Variants in PRUNE2 observed in about 807,000 individuals in gnomAD.
The protein encoded by PRUNE2 is prune homolog 2 with BCH domain.
PRUNE2 carries 164 observed loss-of-function variants against 252.0 expected under a neutral mutation model. The observed-to-expected ratio is 0.65, with a 90% CI of 0.57 to 0.74. The LOEUF is 0.74. Ranked by LOEUF, PRUNE2 falls within the 30% of genes least tolerant of loss-of-function variation. PRUNE2 has a pLI of 0.00. For synonymous variants in PRUNE2, 1,292 were observed against 1,350.2 expected, an observed-to-expected ratio of 0.96 and a Z score of 0.94; for missense variants, 3,495 against 3,711.0, an observed-to-expected ratio of 0.94 and a Z score of 1.51.
At chr9:76,883,861 CT>C (rs984098179) in intron 1 of PRUNE2, among the ~76,000 whole-genome samples, 2 of 152,200 alleles carry the variant, frequency 1.3e-5, no homozygotes, top group African/African-American at 4.8e-5. Flanking sequence ...CTAGACTTGC[CT>C]TGTGACTTGC....
intron 1 of PRUNE2, among the ~76,000 whole-genome samples, chr9:76,896,163 C>T (rs1481435845): frequency 6.6e-6 from 1 of 152,202 alleles, no homozygotes; most frequent in Non-Finnish European, 1.5e-5. Flanking sequence ...CAGCCTCTGG[C>T]AGCCACCTCC....
intron 9 of PRUNE2, among the ~76,000 whole-genome samples, chr9:76,671,937 A>G (rs1178285104): frequency 6.6e-6 from 1 of 152,136 alleles, no homozygotes; most frequent in Non-Finnish European, 1.5e-5. Context: ...AGTAGCAGCC[A>G]CTGTAAAATC....
rs1484461942 is a variant in PRUNE2 at position 76,850,381 on chromosome 9, A to G, written c.344+82T>C. 1.2e-5 allele frequency: 13 copies of G among 1,129,066 alleles called. No homozygotes were observed. In the East Asian group the frequency reaches 1.9e-4, roughly 16 times the overall value. The allele number at this position is 1,129,066 out of a possible 1,614,324, so 69.9% of individuals were successfully genotyped here. On this transcript the variant is annotated intron_variant, in intron 3 of 18. Coordinates refer to ENST00000376718, the MANE Select transcript of PRUNE2 (RefSeq NM_015225.3). ...CTTTTAATACATCTGCCTAAACCACAAAAGTCCTGAGTAAAGTGACACTTT... is the reference window on the plus strand; with the variant it reads ...CTTTTAATACATCTGCCTAAACCACGAAAGTCCTGAGTAAAGTGACACTTT...
At chr9:76,684,773 A>T (rs183224544) in intron 9 of PRUNE2, among the ~76,000 whole-genome samples, 191 of 152,114 alleles carry the variant, frequency 1.3e-3, no homozygotes, top group African/African-American at 4.4e-3. Flanking sequence ...TATTTTTGAG[A>T]TGGAGTCTCG....
At chr9:76,728,389 T>A (rs1432889895) in intron 6 of PRUNE2, among the ~76,000 whole-genome samples, 1 of 151,528 alleles carries the variant, frequency 6.6e-6, no homozygotes, top group East Asian at 1.9e-4. Context: ...GCCCACCCCA[T>A]GAGATTTAAA....
chr9:76,795,691 A>G (rs1260958074), intron 6 of PRUNE2, among the ~76,000 whole-genome samples: 1 of 152,202 alleles, frequency 6.6e-6, no homozygotes, highest in Non-Finnish European at 1.5e-5. Context: ...TATTTTGTTC[A>G]CCGTAAAAAT....
intron 9 of PRUNE2, among the ~76,000 whole-genome samples, chr9:76,678,315 C>A (rs1295011230): frequency 8.5e-6 from 1 of 117,416 alleles, no homozygotes; most frequent in Non-Finnish European, 1.6e-5. Flanking sequence ...GGTGCCACTG[C>A]ACTCCAGCCT....
At chr9:76,664,921 T>C (rs11145002) in intron 9 of PRUNE2, among the ~76,000 whole-genome samples, 7,530 of 152,284 alleles carry the variant, frequency 0.049, 246 homozygotes, top group Non-Finnish European at 0.073. Flanking sequence ...TCACTCTTAC[T>C]TTCTTTTCTT....
intron 7 of PRUNE2, among the ~76,000 whole-genome samples, 198 bp downstream of exon 7, chr9:76,713,365 G>C (rs533676032): frequency 6.6e-6 from 1 of 152,314 alleles, no homozygotes; most frequent in East Asian, 1.9e-4. Flanking sequence ...CAGTCAAGAA[G>C]AGAAATGCTT....
intron 9 of PRUNE2, among the ~76,000 whole-genome samples, chr9:76,702,716 T>C (rs544557756): frequency 6.6e-6 from 1 of 152,358 alleles, no homozygotes; most frequent in African/African-American, 2.4e-5. Context: ...CTGTGGAGCC[T>C]GTCTCTTATC....
At chr9:76,795,550 G>T (rs80011477) in intron 6 of PRUNE2, among the ~76,000 whole-genome samples, 1 of 148,398 alleles carries the variant, frequency 6.7e-6, no homozygotes, top group Non-Finnish European at 1.5e-5. Flanking sequence ...ATAGCCCCTG[G>T]GGGGGAGCAT....
intron 9 of PRUNE2, among the ~76,000 whole-genome samples, chr9:76,694,288 T>C (rs983736348): frequency 6.6e-6 from 1 of 152,148 alleles, no homozygotes; most frequent in Non-Finnish European, 1.5e-5. Context: ...GTTCAAATGA[T>C]TCTCCAGCCT....
chr9:76,629,322 CATTAG>C, intron 15 of PRUNE2, 32 bp from the exon 16 acceptor site: 1 of 1,131,722 alleles, frequency 8.8e-7, no homozygotes, highest in Non-Finnish European at 1.3e-6. Context: ...AAATATGTAT[CATTAG>C]TCACTACCTT....
intron 11 of PRUNE2, among the ~76,000 whole-genome samples, chr9:76,648,918 T>C (rs928291413): frequency 6.6e-6 from 1 of 152,186 alleles, no homozygotes; most frequent in African/African-American, 2.4e-5. Flanking sequence ...ACAAAGACTT[T>C]ATAGTAAGTG....
intron 6 of PRUNE2, chr9:76,739,136 C>G (rs2049342484): frequency 1.3e-5 from 2 of 152,086 alleles, no homozygotes; most frequent in Non-Finnish European, 2.9e-5. Context: ...CTATTCTTAT[C>G]CCATTTTCCA....
At chr9:76,728,412 A>G (rs1005658988) in intron 6 of PRUNE2, among the ~76,000 whole-genome samples, 3 of 152,164 alleles carry the variant, frequency 2.0e-5, no homozygotes, top group Non-Finnish European at 2.9e-5. Context: ...TAATTGGCTT[A>G]AGGGTGAGGC....
intron 6 of PRUNE2, chr9:76,787,264 C>T (rs2055079749): frequency 6.8e-6 from 1 of 147,876 alleles, no homozygotes; most frequent in Admixed American, 6.7e-5. Flanking sequence ...CTTTTATTCT[C>T]TTTATTATTA....
Position 76,706,409 on chromosome 9 carries a change from G to A in PRUNE2, c.5865C>T (p.Thr1955=). 1 of 1,613,956 alleles carries A rather than the reference G, an allele frequency of 6.2e-7. No individual in the cohort carries two copies. The highest frequency in any genetic ancestry group is 8.5e-7 in the Non-Finnish European group (1 of 1,179,880). The part of the protein sequence containing the change: ...AGDELTPETP[T]QEQCQDTMLP... ...GCATGGTGTCCTGACACTGCTCTTG[G>A]GTAGGTGTTTCAGGAGTCAGCTCAT... The change falls in exon 8 of 19, where the codon ACC becomes ACT. Residue 1955 remains threonine, a synonymous_variant. Coordinates refer to ENST00000376718, the MANE Select transcript of PRUNE2 (RefSeq NM_015225.3).
chr9:76,887,972 T>A (rs1412023347), intron 1 of PRUNE2, among the ~76,000 whole-genome samples: 1 of 151,952 alleles, frequency 6.6e-6, no homozygotes, highest in Non-Finnish European at 1.5e-5. Context: ...CACAAACCAC[T>A]CCGGGCTCCC....
Sources: allele counts gnomAD v4.1 joint callset (sites outside exome capture counted in the v4.1 genomes callset), GRCh38; gene constraint gnomAD v4.1.1; transcripts MANE v1.5; gene names NCBI Gene and HGNC (gene_info 2026-07-23, HGNC 2026-07-21).